AZGP1: variants seen among roughly 807,000 people sequenced by gnomAD.
AZGP1 encodes the protein zinc-alpha-2-glycoprotein.
In AZGP1, 28 loss-of-function variants were observed where a neutral mutation model predicts 31.5. The ratio of observed to expected loss-of-function variants is 0.89; its 90% CI spans 0.66 to 1.22. The LOEUF is 1.22. AZGP1 is among the 50% of genes most tolerant of loss of function. The pLI is 0.00. For synonymous variants in AZGP1, 135 were observed against 145.4 expected (o/e 0.93, Z 0.51); for missense variants, 361 against 371.8 (o/e 0.97, Z 0.24).
At chr7:99,970,970 G>A (rs548891045) in intron 2 of AZGP1, among the ~76,000 whole-genome samples, 120 of 152,330 alleles carry the variant, frequency 7.9e-4, no homozygotes, top group African/African-American at 2.8e-3. Flanking sequence ...TCTGCCACCA[G>A]CTCCTCTGAC....
At position 99,972,008 on chromosome 7, in the gene AZGP1, T is replaced by C. The variant is rs764282360; in HGVS notation, c.77-2A>G. ...AGATATAGGTCAGAGAGTAACGACC[T>C]GCAAAAGAAAAGATTCTGATGGTTG... On this transcript the variant is annotated splice_acceptor_variant, in intron 1 of 3. Coordinates refer to ENST00000292401, the MANE Select transcript of AZGP1 (RefSeq NM_001185.4). LOFTEE classifies it high-confidence loss of function. The C allele has an allele frequency of 1.3e-5, 20 of 1,598,954 alleles. No homozygotes were observed. The highest frequency in any genetic ancestry group is 1.5e-5 in the Non-Finnish European group (18 of 1,171,722).
chr7:99,975,547 C>T (rs1055782467), intron 1 of AZGP1, among the ~76,000 whole-genome samples: 1 of 152,120 alleles, frequency 6.6e-6, no homozygotes, highest in Non-Finnish European at 1.5e-5. Flanking sequence ...TCCCACTTTC[C>T]CCTTGGGGCT....
chr7:99,970,357 C>A lies in AZGP1; in HGVS notation c.337+1389G>T, dbSNP rs113484180. 7.2e-5 allele frequency among the ~76,000 whole-genome samples: 11 copies of A among 152,242 alleles called. No homozygotes were observed. In the East Asian group the frequency reaches 1.7e-3, roughly 24 times the overall value. On this transcript the variant is annotated intron_variant, in intron 2 of 3. Transcript: ENST00000292401. ...CTCCTGGGTTCAAGCAATTCTCCTG[C>A]CTCAGCCTCCTGAGTAGCTGGGACC...
chr7:99,971,437 C>T (rs1387251280), intron 2 of AZGP1: 7 of 310,756 alleles, frequency 2.3e-5, no homozygotes, highest in African/African-American at 6.3e-5. Flanking sequence ...TGCCTTCTCA[C>T]GGGGGTATCA....
intron 3 of AZGP1, chr7:99,967,883 A>G (rs529511309): frequency 9.7e-5 from 58 of 600,958 alleles, no homozygotes; most frequent in African/African-American, 9.3e-4. Context: ...CCCTAACCTC[A>G]AGCTCCTTGT....
Position 99,969,156 on chromosome 7 carries a change from C to A in AZGP1, c.338-726G>T, listed in dbSNP as rs545396111. On this transcript the variant is annotated intron_variant, in intron 2 of 3. Transcript: ENST00000292401. The stretch of plus-strand genomic sequence containing the variant: ...GGACGCAGTGGCTCATGCCTGTAAT[C>A]CCAGCAGTTAGGGAGGCTGAGGCCA... Among the ~76,000 whole-genome samples the A allele has an allele frequency of 1.4e-4, 21 of 152,070 alleles. No individual in the cohort carries two copies. The East Asian group carries it at 3.9e-3, about 28-fold the overall frequency.
chr7:99,968,866 G>C (rs1789536647), intron 2 of AZGP1: 1 of 164,184 alleles, frequency 6.1e-6, no homozygotes, highest in South Asian at 1.6e-4. Flanking sequence ...AGGAGGCTGA[G>C]GTGGGAGGAT....
Position 99,967,088 on chromosome 7 carries a change from G to A in AZGP1, c.812C>T (p.Pro271Leu), listed in dbSNP as rs778988085. The A allele has an allele frequency of 1.8e-5, 29 of 1,614,026 alleles. No homozygotes were observed. The highest frequency in any genetic ancestry group is 2.7e-5 in the African/African-American group (2 of 74,904). The part of the protein sequence containing the change: ...TYQSWVVVAV[P>L]PQDTAPYSCH... The stretch of plus-strand genomic sequence containing the variant: ...GGAGTAGGGGGCTGTGTCCTGCGGG[G>A]GCACTGCCACCACCACCCAGGACTG... Residue 271 changes from proline (P) to leucine (L), a missense_variant, in exon 4 of 4, where the codon CCC (proline) becomes CTC (leucine). Coordinates refer to ENST00000292401, the MANE Select transcript of AZGP1 (RefSeq NM_001185.4).
At chr7:99,969,373 T>C (rs1050096038) in intron 2 of AZGP1, among the ~76,000 whole-genome samples, 4 of 147,370 alleles carry the variant, frequency 2.7e-5, no homozygotes, top group African/African-American at 7.6e-5. Flanking sequence ...GGAGCCATTG[T>C]ACATCAGCCT....
chr7:99,971,844 A>ATTCC lies in AZGP1; in HGVS notation c.235_238dup (p.Met80ArgfsTer34). On this transcript the variant is annotated frameshift_variant, in exon 2 of 4. Coordinates refer to ENST00000292401, the MANE Select transcript of AZGP1 (RefSeq NM_001185.4). LOFTEE classifies it high-confidence loss of function. ...TTGGCTGTCCTGCTTCCAATCCTCC[A>ATTCC]TTCCTTCCACCTGTCTCCAGAGTCC... is the stretch of plus-strand genomic sequence containing the variant. 1.2e-6 allele frequency: 2 copies of ATTCC among 1,613,868 alleles called. No homozygotes were observed. Among genetic ancestry groups the ATTCC allele is most frequent in the Non-Finnish European group, 1.7e-6 (2 of 1,179,964 alleles).
intron 3 of AZGP1, 199 bp from the exon 4 acceptor site, chr7:99,967,485 T>C (rs1228380972): frequency 1.6e-6 from 1 of 618,206 alleles, no homozygotes; most frequent in African/African-American, 1.8e-5. Context: ...ACCTCACCCA[T>C]GTATTGACTC....
chr7:99,971,722 C>T lies in AZGP1; in HGVS notation c.337+24G>A, dbSNP rs775064837. ...CTGCCTCTTGGGTTAGACCTTCCAC[C>T]CCTGTGGTCTGTTATTCACTGACCG... On this transcript the variant is annotated intron_variant, in intron 2 of 3. Transcript: ENST00000292401. 4 of 1,607,254 alleles carry T rather than the reference C, an allele frequency of 2.5e-6. No homozygotes were observed. In the East Asian group the frequency reaches 6.7e-5, roughly 27 times the overall value.
chr7:99,973,561 G>A (rs1389077227), intron 1 of AZGP1, among the ~76,000 whole-genome samples: 1 of 151,686 alleles, frequency 6.6e-6, no homozygotes, highest in African/African-American at 2.4e-5. Context: ...GTGGTTAATG[G>A]GTACAAAAAA....
At chr7:99,970,819 T>C (rs919973145) in intron 2 of AZGP1, among the ~76,000 whole-genome samples, 3 of 152,230 alleles carry the variant, frequency 2.0e-5, no homozygotes, top group Non-Finnish European at 4.4e-5. Flanking sequence ...TTGTACTTAG[T>C]AGCCCATCTT....
At chr7:99,967,761 AC>A (rs1200203518) in intron 3 of AZGP1, 2 of 476,920 alleles carry the variant, frequency 4.2e-6, no homozygotes, top group Non-Finnish European at 7.4e-6. Context: ...CCTTCTCTCC[AC>A]CACCCAGATG....
chr7:99,969,507 G>A (rs1265141156), intron 2 of AZGP1, among the ~76,000 whole-genome samples: 1 of 151,712 alleles, frequency 6.6e-6, no homozygotes, highest in Non-Finnish European at 1.5e-5. Flanking sequence ...TTGAACCCAG[G>A]AGGCAAAGTT....
intron 1 of AZGP1, among the ~76,000 whole-genome samples, chr7:99,973,025 G>T (rs1789605906): frequency 6.6e-6 from 1 of 151,828 alleles, no homozygotes; most frequent in Non-Finnish European, 1.5e-5. Flanking sequence ...GCTGAGGCAG[G>T]AGAATGGCAT....
intron 3 of AZGP1, 51 bp from the exon 4 acceptor site, chr7:99,967,337 G>A: frequency 6.3e-7 from 1 of 1,574,870 alleles, no homozygotes; most frequent in South Asian, 1.2e-5. Flanking sequence ...ACTTCTCCCG[G>A]CCCAGGTCTC....
intron 1 of AZGP1, among the ~76,000 whole-genome samples, chr7:99,975,168 A>G (rs766166152): frequency 5.3e-5 from 8 of 151,816 alleles, no homozygotes; most frequent in Non-Finnish European, 1.0e-4. Context: ...ATATATGTAT[A>G]TGTGTACCAC....
Sources: allele counts gnomAD v4.1 joint callset (sites outside exome capture counted in the v4.1 genomes callset), GRCh38; gene constraint gnomAD v4.1.1; transcripts MANE v1.5; gene names NCBI Gene and HGNC (gene_info 2026-07-23, HGNC 2026-07-21).